Variants in PTGR1 observed in about 807,000 individuals in gnomAD.
PTGR1 encodes prostaglandin reductase 1.
Under a neutral mutation model 37.7 loss-of-function variants are expected in PTGR1, and 23 were observed. That is an observed-to-expected ratio of 0.61 (90% CI 0.44 to 0.86). The LOEUF is 0.86. Ranked by LOEUF, PTGR1 falls within the 40% of genes least tolerant of loss-of-function variation. The probability of loss-of-function intolerance (pLI) is 0.00; values close to 1 mark genes in which losing one functional copy is unlikely to be tolerated. For missense variants in PTGR1, 351 were observed against 394.3 expected (o/e 0.89, Z 0.93); for synonymous variants, 134 against 140.0 (o/e 0.96, Z 0.30).
intron 2 of PTGR1, 80 bp from the exon 3 acceptor site, chr9:111,594,347 G>C: frequency 7.8e-7 from 1 of 1,279,926 alleles, no homozygotes; most frequent in South Asian, 1.2e-5. Context: ...CACTAGACAG[G>C]AGGGGTGAGA....
rs191729145 is a variant in PTGR1 at position 111,555,425 on chromosome 9, C to T, written c.880-5626G>A. On this transcript the variant is annotated intron_variant, in intron 9 of 9. Transcript: ENST00000538962. ...TTTCATTAGTACCCCATCAGAAGGC[C>T]GTTGTGCTATTTTCTACTGTGCTCT... is the stretch of plus-strand genomic sequence containing the variant. 9.9e-5 allele frequency among the ~76,000 whole-genome samples: 15 copies of T among 152,218 alleles called. No homozygotes were observed. In the East Asian group the frequency reaches 1.2e-3, roughly 12 times the overall value.
At position 111,569,075 on chromosome 9, in the gene PTGR1, G is replaced by T. The variant is rs116765390; in HGVS notation, c.879+1016C>A. 2.3e-3 allele frequency among the ~76,000 whole-genome samples: 355 copies of T among 152,286 alleles called. 2 individuals carry two copies. Among genetic ancestry groups the T allele is most frequent in the African/African-American group, 8.4e-3 (349 of 41,552 alleles). ...AATATGGAGCATGTTGAGCAGGAAAGATCAAAATATATTTAGTTTTCAAGA... is the reference window on the plus strand; with the variant it reads ...AATATGGAGCATGTTGAGCAGGAAATATCAAAATATATTTAGTTTTCAAGA... On this transcript the variant is annotated intron_variant, in intron 9 of 9. Transcript: ENST00000407693.
intron 4 of PTGR1, among the ~76,000 whole-genome samples, chr9:111,588,381 G>A (rs1484924552): frequency 6.6e-6 from 1 of 151,852 alleles, no homozygotes; most frequent in Non-Finnish European, 1.5e-5. Flanking sequence ...TGTATTTTTA[G>A]TAGATATAAA....
At chr9:111,587,228 T>C (rs575025739) in intron 4 of PTGR1, among the ~76,000 whole-genome samples, 1 of 152,258 alleles carries the variant, frequency 6.6e-6, no homozygotes, top group African/African-American at 2.4e-5. Flanking sequence ...ACCCTTTCTG[T>C]CTCATTTACT....
chr9:111,560,598 G>A (rs1828249302), downstream of PTGR1, among the ~76,000 whole-genome samples: 1 of 127,512 alleles, frequency 7.8e-6, no homozygotes, highest in South Asian at 2.7e-4. Flanking sequence ...CAGAGATCAT[G>A]CTACTGCACG....
intron 6 of PTGR1, among the ~76,000 whole-genome samples, chr9:111,582,323 A>G (rs1829306170): frequency 6.6e-6 from 1 of 152,238 alleles, no homozygotes; most frequent in South Asian, 2.1e-4. Context: ...GTCCTATCAA[A>G]CTTACGGGAT....
intron 4 of PTGR1, among the ~76,000 whole-genome samples, chr9:111,587,916 C>T (rs1314850454): frequency 1.3e-5 from 2 of 151,912 alleles, no homozygotes; most frequent in African/African-American, 4.8e-5. Flanking sequence ...AGGATACTTT[C>T]AGTATTTTTC....
chr9:111,569,506 G>A lies in PTGR1; in HGVS notation c.879+585C>T, dbSNP rs112330964. ...ACAAAAGTTAATTTTGGCCAGGTGC[G>A]GTGGCTCACAACTGTAACCCCAGCA... On this transcript the variant is annotated intron_variant, in intron 9 of 9. Transcript: ENST00000407693. 1.8e-3 allele frequency among the ~76,000 whole-genome samples: 270 copies of A among 152,256 alleles called. 1 individual carries two copies. The highest frequency in any genetic ancestry group is 4.9e-3 in the Admixed American group (75 of 15,276).
chr9:111,589,610 A>C (rs1040978591), intron 4 of PTGR1, among the ~76,000 whole-genome samples: 1 of 151,934 alleles, frequency 6.6e-6, no homozygotes, highest in Non-Finnish European at 1.5e-5. Flanking sequence ...TGTCATAAAA[A>C]ATTAAAGTAT....
At position 111,563,115 on chromosome 9, in the gene PTGR1, T is replaced by C; in HGVS notation, c.*6A>G. On this transcript the variant is annotated 3_prime_UTR_variant, in exon 10 of 10. Coordinates refer to ENST00000407693, the MANE Select transcript of PTGR1 (RefSeq NM_001146108.2). The stretch of plus-strand genomic sequence containing the variant: ...AATGGCCTCCAGATTCCATGTGTCC[T>C]CTTTTTCATGCTTTCACTATTGTCT... 1.9e-6 allele frequency: 3 copies of C among 1,612,394 alleles called. No homozygotes were observed. The highest frequency in any genetic ancestry group is 2.5e-6 in the Non-Finnish European group (3 of 1,179,644).
chr9:111,549,897 A>AT, intron 9 of PTGR1: 1 of 743,914 alleles, frequency 1.3e-6, no homozygotes, highest in Middle Eastern at 2.4e-4. Flanking sequence ...CCTCATGTCC[A>AT]TTTTTTGTTG....
chr9:111,566,883 A>T (rs954563792), intron 9 of PTGR1, among the ~76,000 whole-genome samples: 2 of 152,092 alleles, frequency 1.3e-5, no homozygotes, highest in Non-Finnish European at 2.9e-5. Flanking sequence ...GGATAAAAGT[A>T]GGATAGGAGC....
chr9:111,590,440 C>A (rs1271292170), intron 4 of PTGR1, among the ~76,000 whole-genome samples: 1 of 152,026 alleles, frequency 6.6e-6, no homozygotes, highest in Non-Finnish European at 1.5e-5. Context: ...CTCACTGCAA[C>A]CTCTGCCTCC....
At chr9:111,551,831 A>T (rs1827968869) in intron 9 of PTGR1, among the ~76,000 whole-genome samples, 1 of 152,240 alleles carries the variant, frequency 6.6e-6, no homozygotes, top group African/African-American at 2.4e-5. Flanking sequence ...AATTCAGTTT[A>T]TTAGCATCAA....
chr9:111,569,999 G>C, intron 9 of PTGR1, 92 bp downstream of exon 9: 2 of 1,574,684 alleles, frequency 1.3e-6, no homozygotes, highest in Non-Finnish European at 1.7e-6. Context: ...ATGCGGCAGA[G>C]ATGGGGAAGA....
chr9:111,570,173 C>T lies in PTGR1; in HGVS notation c.797G>A (p.Arg266His), dbSNP rs149211975. 325 of 1,613,890 alleles carry T rather than the reference C, an allele frequency of 2.0e-4. No homozygotes were observed. The highest frequency in any genetic ancestry group is 2.7e-4 in the Non-Finnish European group (314 of 1,180,006). Reference protein sequence around the residue: ...PPEIVIYQELRMEAFVVYRWQ... With the variant: ...PPEIVIYQELHMEAFVVYRWQ... ...GCGGTAGACGACAAAAGCTTCCATG[C>T]GAAGCTCCTGATAGATAACAATCTC... Residue 266 changes from arginine (R) to histidine (H), a missense_variant, in exon 9 of 10, where the codon CGC (arginine) becomes CAC (histidine). Physicochemically the swap from Arg to His is conservative, Grantham distance 29 (BLOSUM62 0). Coordinates refer to ENST00000407693, the MANE Select transcript of PTGR1 (RefSeq NM_001146108.2).
chr9:111,591,799 T>C (rs1317563147), intron 4 of PTGR1, among the ~76,000 whole-genome samples: 2 of 152,218 alleles, frequency 1.3e-5, no homozygotes, highest in Non-Finnish European at 2.9e-5. Context: ...GCAGACCCCC[T>C]GAAACTATTG....
At chr9:111,589,642 C>CG (rs1564621561) in intron 4 of PTGR1, among the ~76,000 whole-genome samples, 2 of 147,888 alleles carry the variant, frequency 1.4e-5, no homozygotes, top group African/African-American at 5.0e-5. Flanking sequence ...AACATGAATA[C>CG]TTTTTTTTTT....
intron 6 of PTGR1, among the ~76,000 whole-genome samples, chr9:111,580,585 A>G (rs1446952649): frequency 6.6e-6 from 1 of 152,108 alleles, no homozygotes; most frequent in Non-Finnish European, 1.5e-5. Flanking sequence ...GAGAAACCCC[A>G]TCTCTACTAA....
Sources: allele counts gnomAD v4.1 joint callset (sites outside exome capture counted in the v4.1 genomes callset), GRCh38; gene constraint gnomAD v4.1.1; transcripts MANE v1.5; gene names NCBI Gene and HGNC (gene_info 2026-07-23, HGNC 2026-07-21).